The following TNS3 variants were observed in gnomAD, a reference collection of about 807,000 sequenced individuals.
TNS3 encodes tensin 3.
A neutral mutation model predicts 140.9 loss-of-function variants in TNS3; 45 were observed. The observed-to-expected ratio is 0.32, with a 90% CI of 0.25 to 0.41. The LOEUF is 0.41. Among genes scored for constraint, TNS3 ranks in the 10% least tolerant of loss-of-function variants. The pLI is 1.00. For synonymous variants in TNS3, 815 were observed against 788.4 expected, an observed-to-expected ratio of 1.03 and a Z score of -0.56; for missense variants, 1,716 against 1,906.7, an observed-to-expected ratio of 0.90 and a Z score of 1.86.
chr7:47,435,995 T>C (rs1179344848), intron 7 of TNS3, among the ~76,000 whole-genome samples: 2 of 152,200 alleles, frequency 1.3e-5, no homozygotes, highest in African/African-American at 4.8e-5. Flanking sequence ...AAGTCCACAG[T>C]GGCCCACAGT....
chr7:47,474,171 C>CA (rs1455134503), intron 4 of TNS3, among the ~76,000 whole-genome samples: 1 of 145,190 alleles, frequency 6.9e-6, no homozygotes, highest in Non-Finnish European at 1.5e-5. Context: ...ACCTCACACA[C>CA]AACACCTCAC....
At chr7:47,279,723 A>G in intron 30 of TNS3, 1 of 169,946 alleles carries the variant, frequency 5.9e-6, no homozygotes, top group Non-Finnish European at 1.3e-5. Flanking sequence ...AAAAACTCTA[A>G]CAGCTGCCTG....
At position 47,368,772 on chromosome 7, in the gene TNS3, GC is replaced by G; in HGVS notation, c.1873del (p.Ala625ProfsTer23). 6.3e-7 allele frequency: 1 copy of G among 1,596,210 alleles called. No homozygotes were observed. The highest frequency in any genetic ancestry group is 8.5e-7 in the Non-Finnish European group (1 of 1,172,044). On this transcript the variant is annotated frameshift_variant, in exon 17 of 31. Coordinates refer to ENST00000311160, the MANE Select transcript of TNS3 (RefSeq NM_022748.12). LOFTEE classifies it high-confidence loss of function. The part of the protein sequence containing the change: ...CPADNPGLVQ[A>X]QPRVPLTPTR... ...GGGGGTGAGTGGCACTCTGGGCTGGGCCTGGACGAGGCCAGGATTGTCTGCA... is the reference window on the plus strand; with the variant it reads ...GGGGGTGAGTGGCACTCTGGGCTGGGCTGGACGAGGCCAGGATTGTCTGCA...
At position 47,275,900 on chromosome 7, in the gene TNS3, GGCT is replaced by G. The variant is rs1562745906; in HGVS notation, c.*2173_*2175del. ...CCGATGTCTCTGTGATTCCCTGGCA[GGCT>G]GCGTTTCTCAATACTGAGACCCTAG... On this transcript the variant is annotated 3_prime_UTR_variant, in exon 31 of 31. Coordinates refer to ENST00000311160, the MANE Select transcript of TNS3 (RefSeq NM_022748.12). 2.2e-6 allele frequency: 1 copy of G among 455,818 alleles called. No homozygotes were observed. The highest frequency in any genetic ancestry group is 4.4e-6 in the Non-Finnish European group (1 of 226,656). 28.2% of individuals were successfully genotyped at this position (455,818 alleles called of 1,614,324 possible).
chr7:47,427,653 G>C (rs1411989278), intron 9 of TNS3, among the ~76,000 whole-genome samples: 3 of 152,216 alleles, frequency 2.0e-5, no homozygotes, highest in Non-Finnish European at 2.9e-5. Context: ...TGCTGTGTTT[G>C]TGTCATGTCT....
chr7:47,465,330 G>A (rs1796660953), intron 4 of TNS3, among the ~76,000 whole-genome samples: 1 of 152,208 alleles, frequency 6.6e-6, no homozygotes, highest in Non-Finnish European at 1.5e-5. Context: ...TTAGGTCATG[G>A]AAGATAACTG....
chr7:47,431,977 C>G (rs578026354), intron 8 of TNS3, among the ~76,000 whole-genome samples: 1 of 152,210 alleles, frequency 6.6e-6, no homozygotes, highest in African/African-American at 2.4e-5. Flanking sequence ...CATGAAGAAA[C>G]AGAAAATCCG....
intron 1 of TNS3, among the ~76,000 whole-genome samples, chr7:47,533,058 ATAGTC>A (rs1256771284): frequency 6.8e-6 from 1 of 146,038 alleles, no homozygotes; most frequent in Non-Finnish European, 1.5e-5. Flanking sequence ...ATTTATGTAA[ATAGTC>A]TAAGTATCTC....
chr7:47,303,206 G>A lies in TNS3; in HGVS notation c.3201C>T (p.Ser1067=), dbSNP rs371416643. ...CAGGCGCCACCGTGAGAAAGTTGTG[G>A]GACAGGAAGCCATTGTCGGCAGCCC... ...ATGAADNGFL[S]HNFLTVAPGH... Residue 1067 remains serine, a synonymous_variant, in exon 22 of 31, where the codon TCC becomes TCT. Coordinates refer to ENST00000311160, the MANE Select transcript of TNS3 (RefSeq NM_022748.12). The A allele has an allele frequency of 2.5e-6, 4 of 1,613,562 alleles. No homozygotes were observed. The highest frequency in any genetic ancestry group is 1.3e-5 in the African/African-American group (1 of 74,952).
chr7:47,514,215 A>C (rs552407224), intron 2 of TNS3, among the ~76,000 whole-genome samples: 2 of 152,238 alleles, frequency 1.3e-5, no homozygotes, highest in Non-Finnish European at 2.9e-5. Context: ...GGACCGCCAG[A>C]CAAGGCCTGC....
At chr7:47,523,418 C>G (rs1799062398) in intron 2 of TNS3, among the ~76,000 whole-genome samples, 1 of 152,256 alleles carries the variant, frequency 6.6e-6, no homozygotes, top group Admixed American at 6.5e-5. Context: ...AGACACTTCT[C>G]CAACAGAAGT....
intron 1 of TNS3, among the ~76,000 whole-genome samples, chr7:47,538,786 CT>C (rs761085494): frequency 3.9e-5 from 6 of 152,328 alleles, no homozygotes; most frequent in African/African-American, 1.2e-4. Flanking sequence ...TCATTTCCCC[CT>C]GTCCTTCAAA....
chr7:47,501,872 A>C (rs922503567), intron 3 of TNS3, among the ~76,000 whole-genome samples: 1 of 152,194 alleles, frequency 6.6e-6, no homozygotes, highest in Non-Finnish European at 1.5e-5. Context: ...CTCAGGCATC[A>C]TTTCATGAGA....
Position 47,368,734 on chromosome 7 carries a change from T to C in TNS3, c.1912A>G (p.Ser638Gly), listed in dbSNP as rs1030444116. The C allele has an allele frequency of 1.9e-6, 3 of 1,579,240 alleles. No homozygotes were observed. The highest frequency in any genetic ancestry group is 2.6e-6 in the Non-Finnish European group (3 of 1,162,030). Residue 638 changes from serine to glycine, a missense_variant, in exon 17 of 31, where the codon AGC becomes GGC. Transcript: ENST00000311160. Reference protein sequence around the residue: ...RVPLTPTRGTSSRVAVQRGVG... With the variant: ...RVPLTPTRGTGSRVAVQRGVG... ...CCCCTCTGGACAGCCACCCTACTGC[T>C]GGTCCCTCGGGTGGGGGTGAGTGGC...
At chr7:47,320,124 A>C (rs571635942) in intron 20 of TNS3, among the ~76,000 whole-genome samples, 3 of 152,268 alleles carry the variant, frequency 2.0e-5, no homozygotes, top group Admixed American at 2.0e-4. Flanking sequence ...AATTATCACT[A>C]TTTTACTAAT....
intron 1 of TNS3, among the ~76,000 whole-genome samples, chr7:47,531,782 A>G (rs970264636): frequency 4.6e-5 from 7 of 152,104 alleles, no homozygotes; most frequent in Non-Finnish European, 1.0e-4. Context: ...ACCCCTTCTG[A>G]GTTGGGGTGG....
Position 47,368,725 on chromosome 7 carries a change from C to A in TNS3, c.1921G>T (p.Val641Leu). 6.3e-7 allele frequency: 1 copy of A among 1,578,050 alleles called. No homozygotes were observed. The highest frequency in any genetic ancestry group is 8.6e-7 in the Non-Finnish European group (1 of 1,161,464). Residue 641 changes from valine to leucine, a missense_variant, in exon 17 of 31, where the codon GTG becomes TTG. This residue lies in a region of TNS3 where 1,163 missense variants were observed against 1,182.1 expected (regional missense o/e 0.98). Transcript: ENST00000311160. ...CTGCCTACACCCCTCTGGACAGCCA[C>A]CCTACTGCTGGTCCCTCGGGTGGGG... is the stretch of plus-strand genomic sequence containing the variant. ...LTPTRGTSSR[V>L]AVQRGVGSGP...
chr7:47,386,188 T>C (rs574789082), intron 16 of TNS3, among the ~76,000 whole-genome samples: 8 of 152,364 alleles, frequency 5.3e-5, no homozygotes, highest in African/African-American at 1.7e-4. Flanking sequence ...AACACATCTC[T>C]GGCTCTTGCT....
intron 9 of TNS3, among the ~76,000 whole-genome samples, chr7:47,428,010 TG>T (rs1246565960): frequency 6.6e-6 from 1 of 152,222 alleles, no homozygotes; most frequent in Non-Finnish European, 1.5e-5. Flanking sequence ...TGTTATTTTT[TG>T]TTAGAGAATT....
Sources: gnomAD v4.1 joint callset for allele counts (sites outside exome capture counted in the v4.1 genomes callset) on GRCh38, gnomAD v4.1.1 for gene constraint, gnomAD v4.1.1 regional missense constraint, MANE v1.5 for transcripts, NCBI Gene and HGNC (gene_info 2026-07-23, HGNC 2026-07-21) for gene names.